LDAH: variants seen among roughly 807,000 people sequenced by gnomAD.
LDAH encodes the protein lipid droplet-associated hydrolase.
LDAH carries 26 observed loss-of-function variants against 29.6 expected under a neutral mutation model. The observed-to-expected ratio is 0.88, with a 90% CI of 0.64 to 1.22. LDAH has a LOEUF of 1.22. Among genes scored for constraint, LDAH ranks in the 50% most tolerant of loss-of-function variants. The probability of loss-of-function intolerance (pLI) is 0.00; values close to 1 mark genes in which losing one functional copy is unlikely to be tolerated. For synonymous variants in LDAH, 117 were observed against 133.0 expected (o/e 0.88, Z 0.83); for missense variants, 344 against 387.3 (o/e 0.89, Z 0.94).
chr2:20,817,554 T>C (rs1242615537), intron 1 of LDAH, among the ~76,000 whole-genome samples: 1 of 152,156 alleles, frequency 6.6e-6, no homozygotes, highest in Non-Finnish European at 1.5e-5. Flanking sequence ...TTTATACCAG[T>C]TGTGTTCAAC....
At chr2:20,716,744 A>ATATATATATATATATATATATATATG (rs1360541311) in intron 5 of LDAH, among the ~76,000 whole-genome samples, 2 of 147,916 alleles carry the variant, frequency 1.4e-5, no homozygotes, top group African/African-American at 2.4e-5. Context: ...ATATATATAT[A>ATATATATATATATATATATATATATG]TGAGTAGAGA....
At chr2:20,801,783 T>C (rs920866135) in intron 1 of LDAH, among the ~76,000 whole-genome samples, 2 of 152,106 alleles carry the variant, frequency 1.3e-5, no homozygotes, top group African/African-American at 2.4e-5. Flanking sequence ...TGCATTACCA[T>C]GAGACAGGTT....
chr2:20,713,068 A>AC (rs972343792), intron 5 of LDAH, among the ~76,000 whole-genome samples: 2 of 152,162 alleles, frequency 1.3e-5, no homozygotes, highest in Admixed American at 1.3e-4. Context: ...GAGAAGAGCA[A>AC]CCCCAAGACA....
intron 5 of LDAH, among the ~76,000 whole-genome samples, chr2:20,705,310 C>T (rs1256613158): frequency 6.6e-6 from 1 of 152,182 alleles, no homozygotes; most frequent in Non-Finnish European, 1.5e-5. Flanking sequence ...ATCTCCTTAT[C>T]CTCAAACTCA....
At chr2:20,774,734 G>C in intron 4 of LDAH, 76 bp downstream of exon 4, 1 of 1,429,682 alleles carries the variant, frequency 7.0e-7, no homozygotes, top group African/African-American at 1.4e-5. Flanking sequence ...AGAGACAAAA[G>C]AACATAGGAA....
intron 6 of LDAH, among the ~76,000 whole-genome samples, chr2:20,699,294 G>A (rs116165124): frequency 1.6e-3 from 242 of 152,158 alleles, no homozygotes; most frequent in African/African-American, 5.5e-3. Flanking sequence ...TTCTAATCCC[G>A]GGCATTGGTT....
intron 2 of LDAH, among the ~76,000 whole-genome samples, chr2:20,796,917 C>T (rs1311134499): frequency 2.0e-5 from 3 of 152,096 alleles, no homozygotes; most frequent in Admixed American, 1.3e-4. Flanking sequence ...CTCTGATACG[C>T]CTTTATACTT....
At chr2:20,774,703 G>T (rs1255938384) in intron 4 of LDAH, 107 bp downstream of exon 4, 2 of 1,119,354 alleles carry the variant, frequency 1.8e-6, no homozygotes, top group African/African-American at 1.6e-5. Flanking sequence ...CCCTCTCTCT[G>T]TTCTATTTAT....
intron 1 of LDAH, among the ~76,000 whole-genome samples, chr2:20,811,777 C>T (rs957733109): frequency 1.3e-5 from 2 of 152,150 alleles, no homozygotes; most frequent in Non-Finnish European, 2.9e-5. Flanking sequence ...AGCCACCTCA[C>T]CTGGCCTAAA....
chr2:20,744,970 A>C (rs1218652677), intron 4 of LDAH, among the ~76,000 whole-genome samples: 5 of 152,118 alleles, frequency 3.3e-5, no homozygotes, highest in African/African-American at 1.2e-4. Flanking sequence ...TTTTGGGGAC[A>C]GTGGTTTTCC....
intron 5 of LDAH, among the ~76,000 whole-genome samples, chr2:20,726,753 A>G (rs1353482561): frequency 1.3e-5 from 2 of 152,230 alleles, no homozygotes; most frequent in Non-Finnish European, 2.9e-5. Flanking sequence ...GACTGTGGTC[A>G]TTACGATAAT....
intron 1 of LDAH, among the ~76,000 whole-genome samples, chr2:20,814,637 T>C (rs1416593738): frequency 6.6e-6 from 1 of 152,120 alleles, no homozygotes; most frequent in Non-Finnish European, 1.5e-5. Context: ...ACTTTTTGTA[T>C]TTTTGGTAGA....
chr2:20,688,086 C>T (rs944053260), intron 6 of LDAH, among the ~76,000 whole-genome samples: 2 of 152,144 alleles, frequency 1.3e-5, no homozygotes. Flanking sequence ...AAATGGAGCA[C>T]CTACTTTGTA....
At chr2:20,710,702 T>C (rs1292289700) in intron 5 of LDAH, among the ~76,000 whole-genome samples, 1 of 147,652 alleles carries the variant, frequency 6.8e-6, no homozygotes, top group Non-Finnish European at 1.5e-5. Flanking sequence ...ATTATACATA[T>C]ATACACATAT....
chr2:20,822,951 G>A (rs1295988629), intron 1 of LDAH, 86 bp downstream of exon 1: 1 of 152,372 alleles, frequency 6.6e-6, no homozygotes, highest in Non-Finnish European at 1.5e-5. Context: ...AGGAACCATA[G>A]AGAAGAAGGG....
At chr2:20,795,028 A>G (rs985423068) in intron 2 of LDAH, among the ~76,000 whole-genome samples, 3 of 152,222 alleles carry the variant, frequency 2.0e-5, no homozygotes, top group Admixed American at 6.5e-5. Context: ...AAAAAGACAC[A>G]CACACGGAGG....
Position 20,796,035 on chromosome 2 carries a change from A to T in LDAH, c.154+5275T>A, listed in dbSNP as rs72784376. Among the ~76,000 whole-genome samples, 799 of 151,992 alleles carry T rather than the reference A, an allele frequency of 5.3e-3. 1 individual carries two copies. Among genetic ancestry groups the T allele is most frequent in the Non-Finnish European group, 9.2e-3 (623 of 67,940 alleles). On this transcript the variant is annotated intron_variant, in intron 2 of 6. Transcript: ENST00000237822. ...CTAATGAGCAGGGCAAACATAAAAG[A>T]ACACTAGGAAATGAAATATGATCTG... is the stretch of plus-strand genomic sequence containing the variant.
chr2:20,801,668 GA>G (rs1671675180), intron 1 of LDAH, among the ~76,000 whole-genome samples: 1 of 152,174 alleles, frequency 6.6e-6, no homozygotes, highest in South Asian at 2.1e-4. Flanking sequence ...AAAGTACTTA[GA>G]AAGGAGGAGA....
intron 1 of LDAH, among the ~76,000 whole-genome samples, chr2:20,819,790 A>C (rs1298811386): frequency 6.6e-6 from 1 of 152,228 alleles, no homozygotes; most frequent in Non-Finnish European, 1.5e-5. Context: ...AAAGAAATAA[A>C]GGGTATTCAA....
Sources: allele counts gnomAD v4.1 joint callset (sites outside exome capture counted in the v4.1 genomes callset), GRCh38; gene constraint gnomAD v4.1.1; transcripts MANE v1.5; gene names NCBI Gene and HGNC (gene_info 2026-07-23, HGNC 2026-07-21).